Variants in NELL1 observed in about 807,000 individuals in gnomAD.
NELL1 encodes the protein protein kinase C-binding protein NELL1.
A neutral mutation model predicts 107.4 loss-of-function variants in NELL1; 76 were observed. That is an observed-to-expected ratio of 0.71 (90% CI 0.59 to 0.86). The LOEUF is 0.86. Among genes scored for constraint, NELL1 ranks in the 40% least tolerant of loss-of-function variants. The probability of loss-of-function intolerance (pLI) is 0.00; values close to 1 mark genes in which losing one functional copy is unlikely to be tolerated. For synonymous variants in NELL1, 353 were observed against 341.2 expected (o/e 1.03, Z -0.38); for missense variants, 1,024 against 1,005.5 (o/e 1.02, Z -0.25).
In NELL1 at chr11:20,757,146, T is replaced by C. The variant is rs536687685; in HGVS notation, c.185-26534T>C. Reference sequence around the variant, plus strand: ...CCCCTTTCTCTTTTCTCTGGCTTCATTTTCCTTTACACTTAGTTTTTTTTT... The same window carrying C: ...CCCCTTTCTCTTTTCTCTGGCTTCACTTTCCTTTACACTTAGTTTTTTTTT... On this transcript the variant is annotated intron_variant, in intron 2 of 19. Coordinates refer to ENST00000357134, the MANE Select transcript of NELL1 (RefSeq NM_006157.5). Among the ~76,000 whole-genome samples, 18 of 152,222 alleles carry C rather than the reference T, an allele frequency of 1.2e-4. No homozygotes were observed. The South Asian group carries it at 2.3e-3, about 19-fold the overall frequency.
intron 3 of NELL1, among the ~76,000 whole-genome samples, chr11:20,798,085 A>G (rs542822739): frequency 2.5e-4 from 38 of 152,292 alleles, no homozygotes; most frequent in African/African-American, 8.9e-4. Flanking sequence ...CATAGCTTCA[A>G]GGAAACGTTT....
At chr11:21,160,645 A>G (rs1856343416) in intron 13 of NELL1, among the ~76,000 whole-genome samples, 1 of 152,214 alleles carries the variant, frequency 6.6e-6, no homozygotes, top group African/African-American at 2.4e-5. Context: ...AAGGAAACAA[A>G]TGGAGCTTTC....
At chr11:20,873,861 T>C (rs1346696928) in intron 4 of NELL1, among the ~76,000 whole-genome samples, 1 of 150,886 alleles carries the variant, frequency 6.6e-6, no homozygotes, top group African/African-American at 2.4e-5. Context: ...CCCCCCAGGC[T>C]CAAGGGATCT....
At chr11:21,144,049 A>T (rs1359037921) in intron 13 of NELL1, among the ~76,000 whole-genome samples, 1 of 152,200 alleles carries the variant, frequency 6.6e-6, no homozygotes, top group Non-Finnish European at 1.5e-5. Flanking sequence ...GGAAGGAAAA[A>T]CACACATAAC....
chr11:20,844,555 G>A (rs1162212127), intron 3 of NELL1, among the ~76,000 whole-genome samples: 2 of 152,152 alleles, frequency 1.3e-5, no homozygotes, highest in African/African-American at 4.8e-5. Flanking sequence ...GAGGACTGGT[G>A]AGGGGTAGAT....
At chr11:20,945,094 T>G (rs1231960459) in intron 10 of NELL1, among the ~76,000 whole-genome samples, 1 of 152,130 alleles carries the variant, frequency 6.6e-6, no homozygotes, top group Non-Finnish European at 1.5e-5. Context: ...AGAGTGAAAT[T>G]TATTTTAATT....
At chr11:21,261,115 G>A (rs1180227642) in intron 14 of NELL1, among the ~76,000 whole-genome samples, 1 of 151,610 alleles carries the variant, frequency 6.6e-6, no homozygotes, top group African/African-American at 2.4e-5. Context: ...ATGTTAGTCT[G>A]CTGGTTCCTC....
chr11:20,848,548 CAG>C (rs1848741931), intron 4 of NELL1, among the ~76,000 whole-genome samples: 1 of 152,102 alleles, frequency 6.6e-6, no homozygotes, highest in Admixed American at 6.5e-5. Flanking sequence ...AGTCCAATTA[CAG>C]AGTTTTTTTT....
chr11:20,950,873 A>G (rs1248022051), intron 11 of NELL1, among the ~76,000 whole-genome samples: 1 of 152,220 alleles, frequency 6.6e-6, no homozygotes, highest in African/African-American at 2.4e-5. Flanking sequence ...TACAAAAACC[A>G]AAGTGGCTGT....
rs117378785 is a variant in NELL1 at position 21,077,951 on chromosome 11, A to T, written c.1301-35638A>T. On this transcript the variant is annotated intron_variant, in intron 12 of 19. Transcript: ENST00000357134. The stretch of plus-strand genomic sequence containing the variant: ...TCAAATGAAACATACCAAAATATAG[A>T]TTAGTAAATTATATAATAACATTTT... Among the ~76,000 whole-genome samples the T allele has an allele frequency of 3.9e-3, 590 of 152,214 alleles. 17 individuals carry two copies. The East Asian group carries it at 0.059, about 15-fold the overall frequency.
chr11:20,814,215 C>CT (rs1411724812), intron 3 of NELL1, among the ~76,000 whole-genome samples: 1 of 152,074 alleles, frequency 6.6e-6, no homozygotes, highest in Non-Finnish European at 1.5e-5. Context: ...AGGATGGTCT[C>CT]GATCTCCTGA....
intron 14 of NELL1, among the ~76,000 whole-genome samples, chr11:21,257,842 C>T (rs1235103035): frequency 6.6e-6 from 1 of 151,972 alleles, no homozygotes; most frequent in Non-Finnish European, 1.5e-5. Flanking sequence ...ATGACAGTGT[C>T]CACAACTGTT....
chr11:21,365,283 G>C (rs1269872350), intron 14 of NELL1, among the ~76,000 whole-genome samples: 1 of 152,188 alleles, frequency 6.6e-6, no homozygotes, highest in Non-Finnish European at 1.5e-5. Context: ...TCTGCGCATA[G>C]TAGGTGGTAG....
chr11:20,772,336 C>A (rs116892757), intron 2 of NELL1, among the ~76,000 whole-genome samples: 12 of 152,262 alleles, frequency 7.9e-5, no homozygotes, highest in Admixed American at 6.5e-4. Context: ...GAAATATACA[C>A]AATAAGCTAC....
chr11:21,429,137 A>G (rs772217019), intron 15 of NELL1, among the ~76,000 whole-genome samples: 2 of 152,216 alleles, frequency 1.3e-5, no homozygotes, highest in Non-Finnish European at 2.9e-5. Flanking sequence ...ATTTACATTC[A>G]CAGGAAATGT....
chr11:21,144,262 C>CG (rs1590676360), intron 13 of NELL1, among the ~76,000 whole-genome samples: 2 of 152,138 alleles, frequency 1.3e-5, no homozygotes, highest in East Asian at 1.9e-4. Context: ...TGCTATGGAA[C>CG]ACCTTAGGAC....
chr11:20,939,279 C>T (rs1850796758), intron 10 of NELL1, among the ~76,000 whole-genome samples: 1 of 151,800 alleles, frequency 6.6e-6, no homozygotes, highest in African/African-American at 2.4e-5. Flanking sequence ...GTAGCCAAAA[C>T]CTCCCCTGGC....
chr11:20,925,425 C>T (rs907234829), intron 7 of NELL1, among the ~76,000 whole-genome samples: 19 of 149,652 alleles, frequency 1.3e-4, no homozygotes, highest in Admixed American at 1.2e-3. Context: ...GTGGTACCCG[C>T]TACCACACCC....
chr11:21,400,619 C>A lies in NELL1; in HGVS notation c.1645+29671C>A, dbSNP rs908828453. On this transcript the variant is annotated intron_variant, in intron 15 of 19. Coordinates refer to ENST00000357134, the MANE Select transcript of NELL1 (RefSeq NM_006157.5). The stretch of plus-strand genomic sequence containing the variant: ...ATGTTCTCAATGTCTTTACCCATTT[C>A]TTGAGCCTAGAGAAACTTTCATTTC... Among the ~76,000 whole-genome samples, 6 of 151,912 alleles carry A rather than the reference C, an allele frequency of 3.9e-5. No homozygotes were observed. The East Asian group carries it at 1.2e-3, about 30-fold the overall frequency.
Sources: allele counts gnomAD v4.1 joint callset (sites outside exome capture counted in the v4.1 genomes callset), GRCh38; gene constraint gnomAD v4.1.1; transcripts MANE v1.5; gene names NCBI Gene and HGNC (gene_info 2026-07-23, HGNC 2026-07-21).